NECAB2: variants seen among roughly 807,000 people sequenced by gnomAD.
The protein encoded by NECAB2 is N-terminal EF-hand calcium binding protein 2.
In NECAB2, 68 loss-of-function variants were observed where a neutral mutation model predicts 51.9. That is an observed-to-expected ratio of 1.31 (90% CI 1.08 to 1.60). The LOEUF is 1.60. Ranked by LOEUF, NECAB2 falls within the 40% of genes most tolerant of loss-of-function variation. The pLI is 0.00. For missense variants in NECAB2, 854 were observed against 490.3 expected, an observed-to-expected ratio of 1.74 and a Z score of -7.00; for synonymous variants, 329 against 203.5, an observed-to-expected ratio of 1.62 and a Z score of -5.25.
At position 83,997,113 on chromosome 16, in the gene NECAB2, G is replaced by A; in HGVS notation, c.796-103G>A. 8 of 1,404,956 alleles carry A rather than the reference G, an allele frequency of 5.7e-6. No individual in the cohort carries two copies. The South Asian group carries it at 5.8e-5, about 10-fold the overall frequency. 87.0% of individuals were successfully genotyped at this position (1,404,956 alleles called of 1,614,324 possible). On this transcript the variant is annotated intron_variant, in intron 8 of 12. Transcript: ENST00000305202. ...TCCCAGCCCTGTGCAACAGGGCCGG[G>A]TCCTTGGGAGCTCCCAACAGCCCCA...
chr16:83,994,162 CA>C, intron 6 of NECAB2, 139 bp from the exon 7 acceptor site: 1 of 766,766 alleles, frequency 1.3e-6, no homozygotes, highest in Non-Finnish European at 2.2e-6. Context: ...CCTCCTCTGT[CA>C]AAACAAAGGC....
At chr16:83,982,938 G>A (rs537568340) in intron 5 of NECAB2, among the ~76,000 whole-genome samples, 3 of 150,904 alleles carry the variant, frequency 2.0e-5, no homozygotes, top group East Asian at 2.0e-4. Flanking sequence ...ATACAATGTC[G>A]CCTCACTGCA....
At chr16:83,965,995 G>T (rs761296736), upstream of NECAB2, 4 of 1,577,394 alleles carry the variant, frequency 2.5e-6, no homozygotes, top group South Asian at 1.1e-5. Flanking sequence ...AGGAGACCAG[G>T]AAGCCACCCT....
intron 6 of NECAB2, among the ~76,000 whole-genome samples, chr16:83,991,313 C>T (rs1156335299): frequency 6.6e-6 from 1 of 151,288 alleles, no homozygotes; most frequent in Admixed American, 6.6e-5. Flanking sequence ...CTCTTTCTTT[C>T]TCTCTTTCTC....
chr16:83,979,320 G>C (rs180841683), intron 3 of NECAB2, among the ~76,000 whole-genome samples: 18 of 152,278 alleles, frequency 1.2e-4, no homozygotes, highest in Admixed American at 9.8e-4. Flanking sequence ...GGGCACATTT[G>C]GTAAGCGGAG....
intron 5 of NECAB2, among the ~76,000 whole-genome samples, chr16:83,982,693 A>T (rs898974092): frequency 3.9e-5 from 6 of 152,066 alleles, no homozygotes; most frequent in East Asian, 1.9e-4. Flanking sequence ...AACATAAGAG[A>T]GTTCTCCATC....
chr16:83,990,287 G>C (rs755221011), intron 5 of NECAB2, among the ~76,000 whole-genome samples: 12 of 152,150 alleles, frequency 7.9e-5, no homozygotes, highest in South Asian at 4.1e-4. Context: ...GTGAAGCCAG[G>C]GTTCAAATTT....
rs2084842946 is a variant in NECAB2, at chr16:84,001,835, AGCCC to A, written c.1052_1055del (p.Ser351ThrfsTer14). 1 of 1,613,960 alleles carries A rather than the reference AGCCC, an allele frequency of 6.2e-7. No homozygotes were observed. Among genetic ancestry groups the A allele is most frequent in the African/African-American group, 1.3e-5 (1 of 74,918 alleles). ...GTCCCTGCGTCACAGGCACCTGCAG[AGCCC>A]CCTGTGTAAGGCGTTCCGGCACGTC... On this transcript the variant is annotated frameshift_variant, in exon 12 of 13. Coordinates refer to ENST00000305202, the MANE Select transcript of NECAB2 (RefSeq NM_019065.3). LOFTEE classifies it high-confidence loss of function.
Position 83,990,636 on chromosome 16 carries a change from T to A in NECAB2, c.596+6T>A. ...GAACAGACCAGCCAGCTCCGGTGAG[T>A]CTCTGAGACCCTGCAGGGTCCCATG... On this transcript the variant is annotated splice_donor_region_variant and intron_variant, in intron 6 of 12. Transcript: ENST00000305202. The A allele has an allele frequency of 6.2e-7, 1 of 1,613,716 alleles. No homozygotes were observed. Among genetic ancestry groups the A allele is most frequent in the Non-Finnish European group, 8.5e-7 (1 of 1,179,930 alleles).
intron 10 of NECAB2, among the ~76,000 whole-genome samples, 169 bp downstream of exon 10, chr16:83,998,486 A>C (rs1321153918): frequency 6.6e-6 from 1 of 152,174 alleles, no homozygotes; most frequent in African/African-American, 2.4e-5. Flanking sequence ...GGTTCCTCCC[A>C]GCCAAGCAAA....
Position 83,972,184 on chromosome 16 carries a change from C to T in NECAB2, c.226+9C>T, listed in dbSNP as rs74032341. Reference sequence around the variant, plus strand: ...CCGTGCGGACAAAAATGGTGAGTTTCCCTTCCAGGCCGACGGCCGCCCCAC... The same window carrying T: ...CCGTGCGGACAAAAATGGTGAGTTTTCCTTCCAGGCCGACGGCCGCCCCAC... On this transcript the variant is annotated intron_variant, in intron 2 of 12. Transcript: ENST00000305202. 0.019 allele frequency: 30,773 copies of T among 1,613,528 alleles called. 3,100 individuals are homozygous for T. In the African/African-American group the frequency reaches 0.28, roughly 15 times the overall value.
intron 1 of NECAB2, 84 bp from the exon 2 acceptor site, chr16:83,972,067 A>G (rs77693600): frequency 1.9e-6 from 3 of 1,573,486 alleles, no homozygotes; most frequent in Middle Eastern, 1.7e-4. Context: ...GGGAGAAGAG[A>G]AGGATCCCAG....
intron 10 of NECAB2, among the ~76,000 whole-genome samples, chr16:83,998,941 A>C (rs138087798): frequency 1.3e-3 from 202 of 152,274 alleles, no homozygotes; most frequent in African/African-American, 4.4e-3. Context: ...GTTGCAGAAG[A>C]CAACAGCCCT....
chr16:83,967,975 C>T (rs1285072445), upstream of NECAB2, among the ~76,000 whole-genome samples: 1 of 126,368 alleles, frequency 7.9e-6, no homozygotes, highest in African/African-American at 3.1e-5. Flanking sequence ...GACGGGTAGG[C>T]AGGTGGATGG....
rs189569476 is a variant in NECAB2 at position 83,978,081 on chromosome 16, A to G, written c.227-363A>G. Reference sequence around the variant, plus strand: ...TTCACTGGCAGGGGGCAGATACTCTATATTTGTTGAACGCATGGAAAATGT... The same window carrying G: ...TTCACTGGCAGGGGGCAGATACTCTGTATTTGTTGAACGCATGGAAAATGT... On this transcript the variant is annotated intron_variant, in intron 2 of 12. Coordinates refer to ENST00000305202, the MANE Select transcript of NECAB2 (RefSeq NM_019065.3). Among the ~76,000 whole-genome samples the G allele has an allele frequency of 7.2e-5, 11 of 152,318 alleles. No homozygotes were observed. The East Asian group carries it at 1.2e-3, about 16-fold the overall frequency.
intron 9 of NECAB2, among the ~76,000 whole-genome samples, 185 bp from the exon 10 acceptor site, chr16:83,998,020 T>G (rs1043862420): frequency 2.7e-5 from 4 of 150,200 alleles, no homozygotes; most frequent in African/African-American, 1.0e-4. Flanking sequence ...TGCACTGGGC[T>G]CTTGAGGTTC....
Position 83,994,673 on chromosome 16 carries a change from G to C in NECAB2, c.780G>C (p.Gly260=), listed in dbSNP as rs1309769912. The C allele has an allele frequency of 1.2e-6, 2 of 1,614,118 alleles. No homozygotes were observed. Among genetic ancestry groups the C allele is most frequent in the Admixed American group, 1.7e-5 (1 of 60,024 alleles). The change falls in exon 8 of 13, where the codon GGG becomes GGC. Residue 260 remains glycine (G), a synonymous_variant. Coordinates refer to ENST00000305202, the MANE Select transcript of NECAB2 (RefSeq NM_019065.3). ...TCAGCCGCTTGGCAGAGCTGATTGG[G>C]AGGCTGGAGAGCAAAGTAAGCCCTG... The part of the protein sequence containing the change: ...AQISRLAELI[G]RLESKALWFD...
At chr16:83,997,814 C>G (rs1165097534) in intron 9 of NECAB2, among the ~76,000 whole-genome samples, 1 of 151,982 alleles carries the variant, frequency 6.6e-6, no homozygotes, top group Non-Finnish European at 1.5e-5. Flanking sequence ...GGACTTTGAT[C>G]CAAAAAAGGT....
chr16:83,972,317 C>A, intron 2 of NECAB2, 142 bp downstream of exon 2: 3 of 1,186,432 alleles, frequency 2.5e-6, no homozygotes, highest in Non-Finnish European at 3.6e-6. Context: ...AGGCCAAATC[C>A]TGCTGCTGCT....
Sources: allele counts gnomAD v4.1 joint callset (sites outside exome capture counted in the v4.1 genomes callset), GRCh38; gene constraint gnomAD v4.1.1; transcripts MANE v1.5; gene names NCBI Gene and HGNC (gene_info 2026-07-23, HGNC 2026-07-21).